CHM: variants seen among roughly 807,000 people sequenced by gnomAD.
The protein encoded by CHM is rab proteins geranylgeranyltransferase component A 1.
A neutral mutation model predicts 49.0 loss-of-function variants in CHM; 10 were observed. That is an observed-to-expected ratio of 0.20 (90% CI 0.13 to 0.35). The LOEUF (loss-of-function observed/expected upper bound fraction) is 0.35. Among genes scored for constraint, CHM ranks in the 10% least tolerant of loss-of-function variants. The pLI, the probability that CHM is intolerant of heterozygous loss-of-function variation, is 1.00. For missense variants in CHM, 455 were observed against 478.4 expected, an observed-to-expected ratio of 0.95 and a Z score of 0.46; for synonymous variants, 184 against 167.5, an observed-to-expected ratio of 1.10 and a Z score of -0.76.
intron 11 of CHM, among the ~76,000 whole-genome samples, chrX:85,897,110 T>C (rs969503756): frequency 1.7e-5 from 1 of 58,474 alleles, no homozygotes; most frequent in Non-Finnish European, 2.9e-5. Flanking sequence ...TAACAGCATA[T>C]ATGAAGTATA....
At chrX:85,884,799 G>A (rs1436989818) in intron 12 of CHM, among the ~76,000 whole-genome samples, 2 of 110,916 alleles carry the variant, frequency 1.8e-5, no homozygotes, top group Non-Finnish European at 3.8e-5. Flanking sequence ...ACTACATACA[G>A]TACAGTATTT....
intron 14 of CHM, among the ~76,000 whole-genome samples, chrX:85,872,371 T>A (rs181583759): frequency 1.0e-3 from 115 of 112,049 alleles, no homozygotes; most frequent in Non-Finnish European, 1.7e-3. Flanking sequence ...TATTTATATA[T>A]ACATATCAAT....
At chrX:85,985,054 A>T (rs976712786) in intron 2 of CHM, among the ~76,000 whole-genome samples, 1 of 111,670 alleles carries the variant, frequency 9.0e-6, no homozygotes, top group African/African-American at 3.3e-5. Context: ...GGGCAGCAAC[A>T]ATCTGCAGGC....
At chrX:86,004,855 G>A (rs986686241) in intron 2 of CHM, among the ~76,000 whole-genome samples, 2 of 111,555 alleles carry the variant, frequency 1.8e-5, no homozygotes, top group Admixed American at 9.5e-5. Context: ...ACAGATCAAC[G>A]AGACAGAAGG....
intron 8 of CHM, among the ~76,000 whole-genome samples, chrX:85,943,632 T>G (rs1452582284): frequency 8.9e-6 from 1 of 111,991 alleles, no homozygotes; most frequent in Non-Finnish European, 1.9e-5. Flanking sequence ...AATAATTAAG[T>G]CATAGCAAAT....
chrX:86,015,514 C>G (rs1933259550), intron 2 of CHM, among the ~76,000 whole-genome samples: 1 of 111,634 alleles, frequency 9.0e-6, no homozygotes, highest in Admixed American at 9.5e-5. Flanking sequence ...GACTTTGGAA[C>G]AGGGTAACAG....
At chrX:85,958,735 A>G (rs897403064) in intron 6 of CHM, 126 bp downstream of exon 6, 2 of 1,054,363 alleles carry the variant, frequency 1.9e-6, no homozygotes, top group African/African-American at 3.8e-5. Context: ...ACATTTGTAA[A>G]TCACCACGGA....
At chrX:85,896,962 AATAT>A (rs1925888245) in intron 11 of CHM, among the ~76,000 whole-genome samples, 1 of 95,192 alleles carries the variant, frequency 1.1e-5, no homozygotes, top group East Asian at 3.1e-4. Context: ...ACATGAAATT[AATAT>A]ATAATACATA....
At chrX:85,868,149 T>A (rs867047469) in intron 14 of CHM, among the ~76,000 whole-genome samples, 55 of 111,061 alleles carry the variant, frequency 5.0e-4, no homozygotes, top group African/African-American at 1.6e-3. Flanking sequence ...GAGGACATTA[T>A]GCTAAGTGAA....
chrX:85,958,185 C>T lies in CHM; in HGVS notation c.820-210G>A, dbSNP rs5968750. Among the ~76,000 whole-genome samples, 25,635 of 111,175 alleles carry T rather than the reference C, an allele frequency of 0.23. 2,236 individuals are homozygous for T. Among genetic ancestry groups the T allele is most frequent in the Middle Eastern group, 0.27 (57 of 215 alleles). On this transcript the variant is annotated intron_variant, in intron 6 of 14. Transcript: ENST00000357749. ...TTACTTAATTCTGCCAAGTTACTCC[C>T]CATGCCATTAAAAGGCCAACGGCAT...
In CHM at chrX:85,971,553, G is replaced by A. The variant is rs142142255; in HGVS notation, c.314+7214C>T. On this transcript the variant is annotated intron_variant, in intron 4 of 14. Coordinates refer to ENST00000357749, the MANE Select transcript of CHM (RefSeq NM_000390.4). ...CAGGAGTGAAGCTGCAGATCTTCGCGGTGAGTGTTACAGCTCATAAAAGCA... is the reference window on the plus strand; with the variant it reads ...CAGGAGTGAAGCTGCAGATCTTCGCAGTGAGTGTTACAGCTCATAAAAGCA... The A allele has an allele frequency of 3.3e-4, 94 of 287,473 alleles. 1 individual carries two copies. The East Asian group carries it at 8.2e-3, about 25-fold the overall frequency. The allele number at this position is 287,473 out of a possible 1,213,427, so 23.7% of individuals were successfully genotyped here. A position where few individuals can be genotyped will look rare whatever the true frequency, so the allele number is the denominator to read the frequency against.
chrX:86,007,609 C>T (rs189456225), intron 2 of CHM, among the ~76,000 whole-genome samples: 202 of 112,309 alleles, frequency 1.8e-3, no homozygotes, highest in African/African-American at 6.2e-3. Context: ...TATTAGTAGA[C>T]ACTTCTCAAA....
intron 2 of CHM, among the ~76,000 whole-genome samples, chrX:86,018,522 C>T (rs888387686): frequency 8.9e-6 from 1 of 111,971 alleles, no homozygotes; most frequent in African/African-American, 3.2e-5. Context: ...AGCAATTGTA[C>T]TCCTAGAAAT....
intron 2 of CHM, among the ~76,000 whole-genome samples, chrX:86,015,462 T>C: frequency 9.0e-6 from 1 of 111,105 alleles, no homozygotes; most frequent in South Asian, 3.8e-4. Flanking sequence ...TTGGTACCAG[T>C]AGAGTGGGGT....
intron 9 of CHM, chrX:85,903,576 T>G: frequency 2.6e-6 from 1 of 386,031 alleles, no homozygotes. Context: ...CTAATACATG[T>G]GCCTATTTAT....
intron 2 of CHM, among the ~76,000 whole-genome samples, chrX:86,011,545 C>T (rs1164515269): frequency 9.0e-6 from 1 of 111,684 alleles, no homozygotes; most frequent in Non-Finnish European, 1.9e-5. Flanking sequence ...TCACATACAA[C>T]AGGAACCCTC....
chrX:85,923,618 T>C (rs1442640784), intron 8 of CHM, among the ~76,000 whole-genome samples: 1 of 112,350 alleles, frequency 8.9e-6, no homozygotes, highest in Non-Finnish European at 1.9e-5. Flanking sequence ...GGTATAATTC[T>C]GGGCACTGGG....
chrX:86,013,733 C>CA (rs61357908), intron 2 of CHM, among the ~76,000 whole-genome samples: 66 of 78,443 alleles, frequency 8.4e-4, no homozygotes, highest in Middle Eastern at 6.6e-3. Flanking sequence ...GACTTCGTCT[C>CA]AAAAAAAAAA....
At chrX:85,952,129 C>CA (rs752835144) in intron 8 of CHM, among the ~76,000 whole-genome samples, 1 of 111,657 alleles carries the variant, frequency 9.0e-6, no homozygotes, top group Non-Finnish European at 1.9e-5. Flanking sequence ...ACTTGAAAGG[C>CA]AATCTAGGAC....
Sources: allele counts gnomAD v4.1 joint callset (sites outside exome capture counted in the v4.1 genomes callset), GRCh38; gene constraint gnomAD v4.1.1; transcripts MANE v1.5; gene names NCBI Gene and HGNC (gene_info 2026-07-23, HGNC 2026-07-21).